Variants in C4orf51 observed in about 807,000 individuals in gnomAD.
C4orf51 encodes the protein chromosome 4 open reading frame 51, also known as uncharacterized protein C4orf51.
In C4orf51, 25 loss-of-function variants were observed where a neutral mutation model predicts 25.2. The observed-to-expected ratio is 0.99, with a 90% CI of 0.72 to 1.39. The LOEUF is 1.39. C4orf51 is among the 40% of genes most tolerant of loss of function. C4orf51 has a pLI of 0.00. For missense variants in C4orf51, 252 were observed against 239.6 expected, an observed-to-expected ratio of 1.05 and a Z score of -0.34; for synonymous variants, 100 against 84.5, an observed-to-expected ratio of 1.18 and a Z score of -1.01.
intron 1 of C4orf51, among the ~76,000 whole-genome samples, chr4:145,693,100 T>G (rs995865368): frequency 6.8e-6 from 1 of 146,992 alleles, no homozygotes; most frequent in African/African-American, 2.5e-5. Context: ...GGCAGGGTCA[T>G]GGGACAATAG....
At chr4:145,749,063 G>GTATATATATATATATATA (rs142948635) in intron 1 of C4orf51, among the ~76,000 whole-genome samples, 1 of 140,000 alleles carries the variant, frequency 7.1e-6, no homozygotes, top group Non-Finnish European at 1.6e-5. Flanking sequence ...GTGTGTGTGT[G>GTATATATATATATATATA]TGTATATATA....
chr4:145,683,218 G>A (rs1280383455), intron 1 of C4orf51, among the ~76,000 whole-genome samples: 1 of 151,948 alleles, frequency 6.6e-6, no homozygotes. Context: ...GTCTATATAA[G>A]GAAAACTAAA....
intron 1 of C4orf51, among the ~76,000 whole-genome samples, chr4:145,767,405 TA>T (rs1735470377): frequency 6.6e-6 from 1 of 152,128 alleles, no homozygotes; most frequent in South Asian, 2.1e-4. Flanking sequence ...TTGGGAAGCT[TA>T]AAATAAGTTT....
At chr4:145,713,983 A>G (rs751748504) in intron 2 of C4orf51, among the ~76,000 whole-genome samples, 3 of 152,080 alleles carry the variant, frequency 2.0e-5, no homozygotes, top group Non-Finnish European at 2.9e-5. Flanking sequence ...GAGTTTCACT[A>G]TGTTGGCTAG....
intron 1 of C4orf51, among the ~76,000 whole-genome samples, chr4:145,766,475 C>G (rs1735313018): frequency 6.6e-6 from 1 of 152,170 alleles, no homozygotes. Flanking sequence ...TATGACTGAT[C>G]AGTTTCCTGC....
chr4:145,729,450 C>T (rs544704457), intron 4 of C4orf51, among the ~76,000 whole-genome samples: 263 of 151,910 alleles, frequency 1.7e-3, no homozygotes, highest in African/African-American at 5.7e-3. Flanking sequence ...TACCGGCGCC[C>T]GCCACCACAC....
rs955199286 is a variant in C4orf51 at position 145,691,707 on chromosome 4, A to G, written c.234-4852A>G. 3.9e-5 allele frequency among the ~76,000 whole-genome samples: 6 copies of G among 152,310 alleles called. No homozygotes were observed. The South Asian group carries it at 1.2e-3, about 32-fold the overall frequency. On this transcript the variant is annotated intron_variant, in intron 1 of 5. Coordinates refer to ENST00000438731, the MANE Select transcript of C4orf51 (RefSeq NM_001080531.3). ...AGAAAATCAAACACAGCATGTTCTC[A>G]CTTATAAGTGGGAGCTAAACAGTGG...
At chr4:145,781,218 GAAAAAAAAAGAAAA>G in the C4orf51 span, among the ~76,000 whole-genome samples, 10 of 70,852 alleles carry the variant, frequency 1.4e-4, no homozygotes, top group Admixed American at 3.4e-4. Flanking sequence ...AAAAAAAAAA[GAAAAAAAAAGAAAA>G]AAAAAAAAAG....
chr4:145,757,637 C>A (rs1734051424), downstream of C4orf51: 1 of 143,192 alleles, frequency 7.0e-6, no homozygotes, highest in African/African-American at 2.5e-5. Flanking sequence ...TATAGCCAAC[C>A]TTTTTTTTTT....
intron 1 of C4orf51, among the ~76,000 whole-genome samples, chr4:145,688,415 A>G (rs2356209): frequency 0.079 from 12,062 of 152,216 alleles, 547 homozygotes; most frequent in Non-Finnish European, 0.1. Context: ...CTCATATCCA[A>G]TTGTAATTTT....
chr4:145,764,870 C>T (rs1735041408), intron 1 of C4orf51: 1 of 1,423,016 alleles, frequency 7.0e-7, no homozygotes. Context: ...TAACTCCTCT[C>T]ATACCAAGCT....
chr4:145,721,125 T>C (rs1731715021), intron 2 of C4orf51, among the ~76,000 whole-genome samples: 1 of 151,998 alleles, frequency 6.6e-6, no homozygotes, highest in African/African-American at 2.4e-5. Flanking sequence ...GGTGGGCGGA[T>C]CACAAGGTCA....
In C4orf51 at chr4:145,764,947, A is replaced by G. The variant is rs192134595; in HGVS notation, n.167-6041A>G. On this transcript the variant is annotated intron_variant and non_coding_transcript_variant, in intron 1 of 1. Coordinates refer to the C4orf51 transcript ENST00000510096. The stretch of plus-strand genomic sequence containing the variant: ...GGGTAGGGAAGGGGAAAGGGTATTT[A>G]ATAACAACGCAGTAAAAGGTTCTGT... The G allele has an allele frequency of 2.5e-6, 4 of 1,608,404 alleles. No homozygotes were observed. In the African/African-American group the frequency reaches 5.3e-5, roughly 21 times the overall value.
chr4:145,734,935 G>A (rs1447169832), downstream of C4orf51, among the ~76,000 whole-genome samples: 2 of 152,266 alleles, frequency 1.3e-5, no homozygotes, highest in Admixed American at 6.5e-5. Flanking sequence ...TTTCTCCTTA[G>A]AGCCGGTTCA....
At chr4:145,716,402 A>G (rs1042407529) in intron 2 of C4orf51, among the ~76,000 whole-genome samples, 3 of 152,238 alleles carry the variant, frequency 2.0e-5, no homozygotes, top group South Asian at 2.1e-4. Flanking sequence ...TCACATTCCA[A>G]TGTGATGCCA....
chr4:145,766,569 G>C (rs1735329908), intron 1 of C4orf51, among the ~76,000 whole-genome samples: 1 of 152,208 alleles, frequency 6.6e-6, no homozygotes, highest in South Asian at 2.1e-4. Flanking sequence ...AGAGCTGAGG[G>C]TCTGACCAGA....
intron 1 of C4orf51, among the ~76,000 whole-genome samples, chr4:145,687,014 T>C (rs906423768): frequency 7.2e-6 from 1 of 139,446 alleles, no homozygotes; most frequent in Non-Finnish European, 1.6e-5. Flanking sequence ...GGGGGGGCGG[T>C]TTCCTTCTAC....
rs985172194 is a variant in C4orf51 at position 145,763,840 on chromosome 4, A to G, written n.167-7148A>G. ...TTGAATTATAATCACCCCCTCCCCA[A>G]TCCCTTCTGCCCTCCCCTCCCCCTC... On this transcript the variant is annotated intron_variant and non_coding_transcript_variant, in intron 1 of 1. Coordinates refer to the C4orf51 transcript ENST00000510096. This position sits in a 1 kb window ranked among gnomAD's most constrained non-coding sequence, Gnocchi z 4.6. Among the ~76,000 whole-genome samples, 10 of 151,938 alleles carry G rather than the reference A, an allele frequency of 6.6e-5. No individual in the cohort carries two copies. Among genetic ancestry groups the G allele is most frequent in the Non-Finnish European group, 1.2e-4 (8 of 67,972 alleles).
chr4:145,724,531 C>A (rs961862592), intron 2 of C4orf51, among the ~76,000 whole-genome samples: 37 of 152,162 alleles, frequency 2.4e-4, no homozygotes, highest in Non-Finnish European at 4.7e-4. Context: ...GACACCCTTT[C>A]AGCAGTTTCC....
Sources: gnomAD v4.1 joint callset for allele counts (sites outside exome capture counted in the v4.1 genomes callset) on GRCh38, gnomAD v4.1.1 for gene constraint, Gnocchi (gnomAD v3.1) non-coding constraint, MANE v1.5 for transcripts, NCBI Gene and HGNC (gene_info 2026-07-23, HGNC 2026-07-21) for gene names.